Variants in GPC5 observed in about 807,000 individuals in gnomAD.
GPC5 encodes glypican-5.
Under a neutral mutation model 53.9 loss-of-function variants are expected in GPC5, and 47 were observed. That is an observed-to-expected ratio of 0.87 (90% CI 0.69 to 1.11). The LOEUF (loss-of-function observed/expected upper bound fraction) is 1.11, where lower values mean the gene tolerates loss of function less well. GPC5 is among the 50% of genes most tolerant of loss of function. The probability of loss-of-function intolerance (pLI) is 0.00; values close to 1 mark genes in which losing one functional copy is unlikely to be tolerated. For synonymous variants in GPC5, 286 were observed against 263.3 expected (o/e 1.09, Z -0.84); for missense variants, 748 against 713.1 (o/e 1.05, Z -0.56).
chr13:92,831,686 A>T (rs1243654762), intron 7 of GPC5, among the ~76,000 whole-genome samples: 1 of 152,168 alleles, frequency 6.6e-6, no homozygotes, highest in Non-Finnish European at 1.5e-5. Flanking sequence ...GCCCACAAAG[A>T]TGTCTGACTT....
chr13:91,924,818 A>G (rs1158298709), intron 6 of GPC5, among the ~76,000 whole-genome samples: 2 of 151,928 alleles, frequency 1.3e-5, no homozygotes, highest in African/African-American at 2.4e-5. Flanking sequence ...TTCCCAACCT[A>G]TAAATATACT....
At chr13:92,663,569 T>C (rs1886421416) in intron 7 of GPC5, among the ~76,000 whole-genome samples, 1 of 107,982 alleles carries the variant, frequency 9.3e-6, no homozygotes, top group Non-Finnish European at 2.2e-5. Context: ...AAACCCTGTT[T>C]CTACTAAATA....
chr13:92,531,157 A>G (rs572996590), intron 7 of GPC5, among the ~76,000 whole-genome samples: 1 of 152,150 alleles, frequency 6.6e-6, no homozygotes, highest in Non-Finnish European at 1.5e-5. Context: ...GCCAAAGCCT[A>G]TATTCTTTTT....
chr13:92,534,519 A>G (rs1043868425), intron 7 of GPC5, among the ~76,000 whole-genome samples: 2 of 152,174 alleles, frequency 1.3e-5, no homozygotes. Context: ...CATGTATTTC[A>G]CAGCATTTAA....
chr13:92,486,877 A>G (rs1879574663), intron 7 of GPC5, among the ~76,000 whole-genome samples: 2 of 148,602 alleles, frequency 1.3e-5, no homozygotes, highest in African/African-American at 5.0e-5. Flanking sequence ...TTTTTTTCAG[A>G]TGGAGTCTCG....
chr13:92,614,133 C>T (rs953941886), intron 7 of GPC5, among the ~76,000 whole-genome samples: 2 of 152,098 alleles, frequency 1.3e-5, no homozygotes, highest in African/African-American at 4.8e-5. Context: ...CTCTCACTCA[C>T]CAAATATAAT....
At chr13:91,841,099 C>G (rs2038781588) in intron 5 of GPC5, among the ~76,000 whole-genome samples, 1 of 151,448 alleles carries the variant, frequency 6.6e-6, no homozygotes, top group Admixed American at 6.6e-5. Context: ...GATGCTAATA[C>G]ATAGAGAGCA....
chr13:91,525,785 T>C (rs1282510005), intron 2 of GPC5, among the ~76,000 whole-genome samples: 1 of 152,218 alleles, frequency 6.6e-6, no homozygotes, highest in African/African-American at 2.4e-5. Context: ...CTAACAATAA[T>C]GTCGCACTTA....
chr13:91,717,338 C>G (rs187602549), intron 3 of GPC5, among the ~76,000 whole-genome samples: 4 of 152,204 alleles, frequency 2.6e-5, no homozygotes, highest in African/African-American at 9.6e-5. Context: ...GGCTTTGGTT[C>G]AGAGCAGTTT....
chr13:91,528,992 G>A (rs773523544), intron 2 of GPC5, among the ~76,000 whole-genome samples: 1 of 152,180 alleles, frequency 6.6e-6, no homozygotes, highest in Non-Finnish European at 1.5e-5. Flanking sequence ...TACAGTTCGA[G>A]TTGAGATTCC....
At chr13:92,366,482 C>A (rs934798583) in intron 7 of GPC5, among the ~76,000 whole-genome samples, 1 of 151,754 alleles carries the variant, frequency 6.6e-6, no homozygotes, top group African/African-American at 2.4e-5. Context: ...TCTACAGTAA[C>A]CTTAGCATTA....
chr13:92,760,691 T>C (rs1875130073), intron 7 of GPC5, among the ~76,000 whole-genome samples: 1 of 152,050 alleles, frequency 6.6e-6, no homozygotes, highest in East Asian at 1.9e-4. Context: ...GCCTTCCCTC[T>C]GCTGACTTTG....
intron 7 of GPC5, among the ~76,000 whole-genome samples, chr13:92,602,233 C>CATATAT (rs149450440): frequency 0.015 from 1,800 of 119,360 alleles, 25 homozygotes; most frequent in Middle Eastern, 0.02. Flanking sequence ...ATATATATAA[C>CATATAT]ATATATATAT....
At chr13:91,894,008 T>C (rs2039415580) in intron 5 of GPC5, among the ~76,000 whole-genome samples, 1 of 152,048 alleles carries the variant, frequency 6.6e-6, no homozygotes. Flanking sequence ...TTATGTTGGA[T>C]ATAAATATAT....
intron 7 of GPC5, among the ~76,000 whole-genome samples, chr13:92,328,765 C>G (rs1654585946): frequency 6.6e-6 from 1 of 152,142 alleles, no homozygotes; most frequent in Admixed American, 6.5e-5. Context: ...TTAGGTTCTG[C>G]ACCTGTACCT....
At chr13:92,531,684 T>C (rs768405038) in intron 7 of GPC5, among the ~76,000 whole-genome samples, 4 of 152,144 alleles carry the variant, frequency 2.6e-5, no homozygotes, top group Non-Finnish European at 5.9e-5. Flanking sequence ...TCTGCTCCTA[T>C]TCCATAGGAT....
chr13:91,552,655 A>G (rs570540785), intron 2 of GPC5, among the ~76,000 whole-genome samples: 3 of 152,156 alleles, frequency 2.0e-5, no homozygotes, highest in Non-Finnish European at 4.4e-5. Context: ...TCCTTAAGGC[A>G]CAGATCGCTC....
chr13:92,106,059 G>A (rs2041507051), intron 6 of GPC5, among the ~76,000 whole-genome samples: 1 of 151,908 alleles, frequency 6.6e-6, no homozygotes, highest in African/African-American at 2.4e-5. Flanking sequence ...TTCATTTTGT[G>A]TAGCACCCTG....
intron 6 of GPC5, among the ~76,000 whole-genome samples, chr13:92,023,138 A>G (rs949662924): frequency 1.3e-5 from 2 of 152,118 alleles, no homozygotes; most frequent in Non-Finnish European, 2.9e-5. Flanking sequence ...AAGTTTTCCA[A>G]GAAATTTTCA....
Sources: gnomAD v4.1 joint callset for allele counts (sites outside exome capture counted in the v4.1 genomes callset) on GRCh38, gnomAD v4.1.1 for gene constraint, MANE v1.5 for transcripts, NCBI Gene and HGNC (gene_info 2026-07-23, HGNC 2026-07-21) for gene names.